Variants in CSNK1G1 observed in about 807,000 individuals in gnomAD.
The protein encoded by CSNK1G1 is casein kinase 1 gamma 1.
CSNK1G1 carries 22 observed loss-of-function variants against 59.6 expected under a neutral mutation model. The ratio of observed to expected loss-of-function variants is 0.37; its 90% confidence interval spans 0.26 to 0.53. The LOEUF is 0.53. Among genes scored for constraint, CSNK1G1 ranks in the 20% least tolerant of loss-of-function variants. The probability of loss-of-function intolerance (pLI) is 0.89; values close to 1 mark genes in which losing one functional copy is unlikely to be tolerated. For synonymous variants in CSNK1G1, 179 were observed against 177.1 expected (o/e 1.01, Z -0.08); for missense variants, 384 against 519.5 (o/e 0.74, Z 2.54).
intron 3 of CSNK1G1, among the ~76,000 whole-genome samples, 187 bp from the exon 4 acceptor site, chr15:64,251,768 T>C (rs1892098938): frequency 6.6e-6 from 1 of 152,208 alleles, no homozygotes; most frequent in South Asian, 2.1e-4. Flanking sequence ...GTGAATTACA[T>C]ACAAGTCCTT....
At chr15:64,285,725 A>C (rs1478707273) in intron 2 of CSNK1G1, among the ~76,000 whole-genome samples, 1 of 152,186 alleles carries the variant, frequency 6.6e-6, no homozygotes, top group Non-Finnish European at 1.5e-5. Flanking sequence ...CTGGAAAAAA[A>C]TCCTACTATT....
intron 2 of CSNK1G1, among the ~76,000 whole-genome samples, chr15:64,291,441 A>T (rs1894737605): frequency 6.6e-6 from 1 of 152,124 alleles, no homozygotes; most frequent in African/African-American, 2.4e-5. Context: ...ACAAAAAATT[A>T]GCTGGGTGTG....
chr15:64,175,862 G>C (rs543293888), intron 11 of CSNK1G1, among the ~76,000 whole-genome samples: 28 of 152,322 alleles, frequency 1.8e-4, no homozygotes, highest in African/African-American at 6.5e-4. Context: ...AGATTATCCA[G>C]CAACAACTCA....
chr15:64,278,101 AG>A (rs1193528040), intron 2 of CSNK1G1, among the ~76,000 whole-genome samples: 1 of 150,498 alleles, frequency 6.6e-6, no homozygotes, highest in African/African-American at 2.4e-5. Context: ...GCTGGAGTGC[AG>A]TGGTGCAATC....
intron 6 of CSNK1G1, among the ~76,000 whole-genome samples, chr15:64,211,653 T>C (rs540313728): frequency 6.6e-6 from 1 of 152,328 alleles, no homozygotes; most frequent in South Asian, 2.1e-4. Flanking sequence ...TTTACATACA[T>C]TATCTCATAG....
intron 3 of CSNK1G1, among the ~76,000 whole-genome samples, chr15:64,257,394 T>C (rs1189025933): frequency 1.3e-5 from 2 of 152,138 alleles, no homozygotes; most frequent in East Asian, 3.9e-4. Context: ...TTTGTTCTCT[T>C]AGAAGTCCCA....
chr15:64,288,588 G>A (rs985315980), intron 2 of CSNK1G1, among the ~76,000 whole-genome samples: 3 of 151,608 alleles, frequency 2.0e-5, no homozygotes, highest in Non-Finnish European at 4.4e-5. Flanking sequence ...GTGTGTTTGT[G>A]TGCATGTGTA....
chr15:64,246,625 TAA>T (rs771554925), intron 4 of CSNK1G1, among the ~76,000 whole-genome samples: 4,542 of 84,240 alleles, frequency 0.054, 95 homozygotes, highest in South Asian at 0.12. Context: ...TCCGTCTCTT[TAA>T]AAAAAAAAAA....
intron 2 of CSNK1G1, among the ~76,000 whole-genome samples, chr15:64,294,747 C>CA (rs1217679769): frequency 1.4e-5 from 2 of 147,464 alleles, no homozygotes; most frequent in African/African-American, 2.5e-5. Context: ...CCCGTCTCTA[C>CA]AAAAAATACA....
intron 4 of CSNK1G1, among the ~76,000 whole-genome samples, chr15:64,237,940 G>C (rs1289322097): frequency 1.3e-5 from 2 of 152,172 alleles, no homozygotes; most frequent in Non-Finnish European, 2.9e-5. Flanking sequence ...GAAACAGTTT[G>C]AATACAGGAG....
intron 11 of CSNK1G1, among the ~76,000 whole-genome samples, chr15:64,175,028 A>C (rs1226105169): frequency 8.5e-6 from 1 of 117,368 alleles, no homozygotes; most frequent in Non-Finnish European, 1.6e-5. Context: ...CTAGAGTTCC[A>C]AGCACAGGGT....
chr15:64,196,948 C>A (rs1369960354), intron 10 of CSNK1G1, among the ~76,000 whole-genome samples: 2 of 152,116 alleles, frequency 1.3e-5, no homozygotes, highest in Admixed American at 1.3e-4. Context: ...AAAATCTATG[C>A]TATAAAAAAA....
At chr15:64,273,676 G>T (rs1277727291) in intron 2 of CSNK1G1, among the ~76,000 whole-genome samples, 1 of 145,458 alleles carries the variant, frequency 6.9e-6, no homozygotes, top group East Asian at 2.0e-4. Context: ...CACACTGGAA[G>T]AATTGTCTTG....
intron 2 of CSNK1G1, among the ~76,000 whole-genome samples, chr15:64,275,699 G>A (rs1893571731): frequency 6.6e-6 from 1 of 151,940 alleles, no homozygotes; most frequent in South Asian, 2.1e-4. Flanking sequence ...GGGATATAAA[G>A]TAAATACATT....
rs189269887 is a variant in CSNK1G1, at chr15:64,249,003, G to A, written c.292+2509C>T. ...CTGGGCATGGTGGCGGGCGCCTGTA[G>A]GCCCAGCTACTCGGGAGGCTGAGGA... On this transcript the variant is annotated intron_variant, in intron 4 of 11. Coordinates refer to ENST00000303052, the MANE Select transcript of CSNK1G1 (RefSeq NM_022048.5). Among the ~76,000 whole-genome samples the A allele has an allele frequency of 7.7e-3, 1,172 of 152,276 alleles. 10 individuals carry two copies. The highest frequency in any genetic ancestry group is 0.027 in the African/African-American group (1,136 of 41,540).
chr15:64,331,347 G>C (rs1169271978), intron 1 of CSNK1G1, among the ~76,000 whole-genome samples: 2 of 135,142 alleles, frequency 1.5e-5, no homozygotes, highest in African/African-American at 5.6e-5. Flanking sequence ...CAATGGAACA[G>C]AACAGAGCCC....
intron 5 of CSNK1G1, among the ~76,000 whole-genome samples, chr15:64,215,651 T>TA (rs1201575393): frequency 1.3e-5 from 2 of 152,212 alleles, no homozygotes; most frequent in Non-Finnish European, 2.9e-5. Context: ...CAAATGAAGA[T>TA]ATATTTGCAT....
chr15:64,253,959 G>A (rs1892228672), intron 3 of CSNK1G1, among the ~76,000 whole-genome samples: 1 of 152,050 alleles, frequency 6.6e-6, no homozygotes, highest in African/African-American at 2.4e-5. Flanking sequence ...GGACAACACG[G>A]TGAAACCCCG....
intron 1 of CSNK1G1, among the ~76,000 whole-genome samples, chr15:64,332,491 A>T (rs910979394): frequency 8.7e-6 from 1 of 114,384 alleles, no homozygotes; most frequent in Admixed American, 1.0e-4. Flanking sequence ...ACATGGACAC[A>T]GGAAGGGGAA....
Sources: gnomAD v4.1 joint callset for allele counts (sites outside exome capture counted in the v4.1 genomes callset) on GRCh38, gnomAD v4.1.1 for gene constraint, MANE v1.5 for transcripts, NCBI Gene and HGNC (gene_info 2026-07-23, HGNC 2026-07-21) for gene names.